Variants in PDZD2 observed in about 807,000 individuals in gnomAD.
PDZD2 encodes the protein PDZ domain-containing protein 2.
Under a neutral mutation model 220.7 loss-of-function variants are expected in PDZD2, and 90 were observed. That is an observed-to-expected ratio of 0.41 (90% CI 0.34 to 0.49). PDZD2 has a LOEUF of 0.49. Among genes scored for constraint, PDZD2 ranks in the 20% least tolerant of loss-of-function variants. The pLI is 0.28. For missense variants in PDZD2, 3,174 were observed against 3,608.5 expected, an observed-to-expected ratio of 0.88 and a Z score of 3.08; for synonymous variants, 1,375 against 1,450.5, an observed-to-expected ratio of 0.95 and a Z score of 1.18.
At chr5:31,878,555 C>CTTTTTTT (rs397884384) in intron 2 of PDZD2, among the ~76,000 whole-genome samples, 616 of 48,156 alleles carry the variant, frequency 0.013, 132 homozygotes, top group African/African-American at 0.039. Context: ...ATGACCTCGG[C>CTTTTTTT]TTTTTTTTTT....
intron 2 of PDZD2, among the ~76,000 whole-genome samples, chr5:31,938,887 T>C (rs1369429012): frequency 6.6e-6 from 1 of 152,198 alleles, no homozygotes; most frequent in African/African-American, 2.4e-5. Flanking sequence ...ATGTTTAACT[T>C]GTGTCGAAAC....
At chr5:31,668,033 T>A (rs1746071450) in intron 1 of PDZD2, among the ~76,000 whole-genome samples, 1 of 152,018 alleles carries the variant, frequency 6.6e-6, no homozygotes, top group Non-Finnish European at 1.5e-5. Context: ...GGCTACTTTT[T>A]GTATTTTTAG....
chr5:31,864,322 C>T lies in PDZD2; in HGVS notation c.476+64598C>T, dbSNP rs115052432. On this transcript the variant is annotated intron_variant, in intron 2 of 24. Coordinates refer to ENST00000438447, the MANE Select transcript of PDZD2 (RefSeq NM_178140.4). Reference sequence around the variant, plus strand: ...GTTGCTAGCCCCAGGGTGCTGCACTCTGCCTGTCTCCGGTCTGCACCTCTG... The same window carrying T: ...GTTGCTAGCCCCAGGGTGCTGCACTTTGCCTGTCTCCGGTCTGCACCTCTG... 8.4e-3 allele frequency among the ~76,000 whole-genome samples: 1,282 copies of T among 152,316 alleles called. 13 individuals carry two copies. Among genetic ancestry groups the T allele is most frequent in the African/African-American group, 0.027 (1,132 of 41,570 alleles).
At chr5:31,847,673 G>A (rs1757663695) in intron 2 of PDZD2, 2 of 609,842 alleles carry the variant, frequency 3.3e-6, no homozygotes, top group Admixed American at 1.8e-5. Context: ...AGCATTGATG[G>A]CCAGCCCGGT....
Position 32,088,520 on chromosome 5 carries a change from C to A in PDZD2, c.5072C>A (p.Ser1691Ter). ...AGCACTTCACAGAACCACAGGCCCT[C>A]GTGTGCAGAAGAAACCACAGAAGTC... ...DISTSQNHRP[S>*]CAEETTEVTS... The change falls in exon 20 of 25, where the codon TCG becomes TAG. Residue 1691 changes from serine (S) to a stop codon, truncating the protein, a stop_gained. Coordinates refer to ENST00000438447, the MANE Select transcript of PDZD2 (RefSeq NM_178140.4). LOFTEE classifies it high-confidence loss of function. This position sits in a 1 kb window ranked among gnomAD's most constrained non-coding sequence, Gnocchi z 4.6. 2.5e-6 allele frequency: 4 copies of A among 1,614,060 alleles called. No homozygotes were observed. Among genetic ancestry groups the A allele is most frequent in the Non-Finnish European group, 3.4e-6 (4 of 1,179,966 alleles).
chr5:31,993,655 A>T (rs1441672191), intron 3 of PDZD2, among the ~76,000 whole-genome samples: 1 of 152,100 alleles, frequency 6.6e-6, no homozygotes, highest in Admixed American at 6.5e-5. Context: ...TTCATGATGG[A>T]TGTTAAAAGC....
chr5:31,920,707 A>C (rs545410839), intron 2 of PDZD2, among the ~76,000 whole-genome samples: 4 of 152,134 alleles, frequency 2.6e-5, no homozygotes, highest in Non-Finnish European at 5.9e-5. Context: ...CAAATGTATA[A>C]TGACATGTAT....
intron 1 of PDZD2, among the ~76,000 whole-genome samples, chr5:31,794,490 TC>T (rs527627776): frequency 0.011 from 1,586 of 140,030 alleles, 24 homozygotes; most frequent in African/African-American, 0.038. Flanking sequence ...AAGCTCCGCC[TC>T]CCGGGTTCAC....
intron 7 of PDZD2, among the ~76,000 whole-genome samples, chr5:32,038,561 A>G (rs1375544245): frequency 6.6e-6 from 1 of 152,124 alleles, no homozygotes; most frequent in Non-Finnish European, 1.5e-5. Context: ...AAAAAACAAA[A>G]GATACAGCTG....
intron 2 of PDZD2, among the ~76,000 whole-genome samples, chr5:31,818,144 T>A (rs150600262): frequency 1.8e-4 from 28 of 151,944 alleles, no homozygotes; most frequent in African/African-American, 6.8e-4. Flanking sequence ...TAATGTTTTG[T>A]GTTTTTTTTT....
At chr5:32,101,074 A>G (rs1178475116) in intron 23 of PDZD2, 31 bp from the exon 24 acceptor site, 9 of 1,613,728 alleles carry the variant, frequency 5.6e-6, no homozygotes, top group Non-Finnish European at 7.6e-6. Flanking sequence ...CAACCCTGTC[A>G]TTTTCATCTT....
chr5:31,863,658 A>G (rs931052126), intron 2 of PDZD2, among the ~76,000 whole-genome samples: 15 of 152,318 alleles, frequency 9.8e-5, no homozygotes, highest in African/African-American at 3.6e-4. Context: ...GAAAACTGTT[A>G]GAGACAATTT....
At chr5:32,026,856 CTCCT>C (rs1424576485) in intron 6 of PDZD2, among the ~76,000 whole-genome samples, 3 of 152,166 alleles carry the variant, frequency 2.0e-5, no homozygotes, top group Non-Finnish European at 2.9e-5. Flanking sequence ...ATGCATTCTC[CTCCT>C]TGACCTCCAC....
At chr5:31,682,427 T>C (rs542699854) in intron 1 of PDZD2, among the ~76,000 whole-genome samples, 1 of 152,284 alleles carries the variant, frequency 6.6e-6, no homozygotes, top group East Asian at 1.9e-4. Flanking sequence ...AGGTGGTTAA[T>C]TGGGAGAAGT....
chr5:31,683,319 G>T (rs1177949109), intron 1 of PDZD2, among the ~76,000 whole-genome samples: 2 of 151,976 alleles, frequency 1.3e-5, no homozygotes, highest in Non-Finnish European at 2.9e-5. Flanking sequence ...GGGGATGTGG[G>T]ATCATATTCT....
chr5:31,913,118 CA>C (rs1467465272), intron 2 of PDZD2, among the ~76,000 whole-genome samples: 2 of 152,148 alleles, frequency 1.3e-5, no homozygotes, highest in African/African-American at 4.8e-5. Context: ...CTTGTAATCC[CA>C]GCACTTTGGA....
At chr5:31,759,118 C>T (rs1751476384) in intron 1 of PDZD2, among the ~76,000 whole-genome samples, 1 of 151,968 alleles carries the variant, frequency 6.6e-6, no homozygotes. Context: ...CATCATCGGC[C>T]CCCACCTCCC....
At chr5:32,093,868 C>G (rs962395193) in intron 21 of PDZD2, among the ~76,000 whole-genome samples, 1 of 152,036 alleles carries the variant, frequency 6.6e-6, no homozygotes, top group Non-Finnish European at 1.5e-5. Context: ...GTCTCAGCGA[C>G]TCAGGAGGCT....
intron 1 of PDZD2, among the ~76,000 whole-genome samples, chr5:31,650,501 A>T (rs1179115289): frequency 6.6e-6 from 1 of 152,134 alleles, no homozygotes; most frequent in Non-Finnish European, 1.5e-5. Flanking sequence ...CAGGACACAG[A>T]TTGTTAACAC....
Sources: allele counts gnomAD v4.1 joint callset (sites outside exome capture counted in the v4.1 genomes callset), GRCh38; gene constraint gnomAD v4.1.1; non-coding constraint Gnocchi (gnomAD v3.1); transcripts MANE v1.5; gene names NCBI Gene and HGNC (gene_info 2026-07-23, HGNC 2026-07-21).